The following RPS6KA2 variants were observed in gnomAD, a reference collection of about 807,000 sequenced individuals.
RPS6KA2 encodes the protein ribosomal protein S6 kinase alpha-2.
RPS6KA2 carries 42 observed loss-of-function variants against 91.8 expected under a neutral mutation model. That is an observed-to-expected ratio of 0.46 (90% CI 0.36 to 0.59). RPS6KA2 has a LOEUF of 0.59. Ranked by LOEUF, RPS6KA2 falls within the 20% of genes least tolerant of loss-of-function variation. The probability of loss-of-function intolerance (pLI) is 0.00; values close to 1 mark genes in which losing one functional copy is unlikely to be tolerated. For missense variants in RPS6KA2, 798 were observed against 978.5 expected, an observed-to-expected ratio of 0.82 and a Z score of 2.46; for synonymous variants, 414 against 393.6, an observed-to-expected ratio of 1.05 and a Z score of -0.61.
intron 2 of RPS6KA2, among the ~76,000 whole-genome samples, chr6:166,835,019 T>C (rs1205455849): frequency 6.6e-6 from 1 of 152,178 alleles, no homozygotes; most frequent in Admixed American, 6.5e-5. Context: ...GCTTATCTTT[T>C]TGTTTATAAA....
chr6:166,536,793 C>T (rs1329676517), intron 2 of RPS6KA2, among the ~76,000 whole-genome samples: 1 of 152,094 alleles, frequency 6.6e-6, no homozygotes, highest in African/African-American at 2.4e-5. Context: ...TACTACTGTT[C>T]TTGAAACTTT....
At chr6:166,620,596 G>A (rs974075692) in intron 1 of RPS6KA2, among the ~76,000 whole-genome samples, 6 of 152,334 alleles carry the variant, frequency 3.9e-5, no homozygotes, top group Admixed American at 1.3e-4. Context: ...AAACAGATGT[G>A]TATTCAAAGG....
At chr6:166,540,449 G>GT (rs3837032) in intron 1 of RPS6KA2, among the ~76,000 whole-genome samples, 11 of 151,888 alleles carry the variant, frequency 7.2e-5, no homozygotes, top group Non-Finnish European at 1.3e-4. Context: ...AAAAACAGTG[G>GT]TTTTTTTTTG....
At chr6:166,740,699 C>T (rs2040735756) in intron 2 of RPS6KA2, among the ~76,000 whole-genome samples, 1 of 152,142 alleles carries the variant, frequency 6.6e-6, no homozygotes, top group South Asian at 2.1e-4. Context: ...GACTGATTTC[C>T]AGAATTTATA....
intron 3 of RPS6KA2, among the ~76,000 whole-genome samples, chr6:166,512,271 G>A (rs953516396): frequency 5.3e-5 from 8 of 152,184 alleles, no homozygotes; most frequent in Non-Finnish European, 1.5e-5. Context: ...AGAGTAGCCA[G>A]AATCAGAGAG....
chr6:166,672,744 G>A (rs550776186), intron 2 of RPS6KA2, among the ~76,000 whole-genome samples: 1 of 152,348 alleles, frequency 6.6e-6, no homozygotes, highest in African/African-American at 2.4e-5. Context: ...AGTTGAGGAT[G>A]CCACCATCCC....
chr6:166,551,230 AG>A (rs1784014920), intron 1 of RPS6KA2, among the ~76,000 whole-genome samples: 1 of 152,198 alleles, frequency 6.6e-6, no homozygotes, highest in South Asian at 2.1e-4. Flanking sequence ...TAATCTTTGA[AG>A]GAAGGTTCAA....
chr6:166,720,706 C>G (rs945198345), intron 2 of RPS6KA2, among the ~76,000 whole-genome samples: 1 of 152,184 alleles, frequency 6.6e-6, no homozygotes, highest in Non-Finnish European at 1.5e-5. Flanking sequence ...TATTAAATGT[C>G]TAGTTTGTGC....
At chr6:166,782,752 GC>G (rs1444487361) in intron 2 of RPS6KA2, among the ~76,000 whole-genome samples, 3 of 152,172 alleles carry the variant, frequency 2.0e-5, no homozygotes, top group Non-Finnish European at 4.4e-5. Context: ...TGTCCTCCCA[GC>G]CCCAGCTCAG....
chr6:166,853,450 C>T (rs922407070), intron 2 of RPS6KA2, among the ~76,000 whole-genome samples: 2 of 152,224 alleles, frequency 1.3e-5, no homozygotes, highest in Non-Finnish European at 2.9e-5. Flanking sequence ...GCACAGACTT[C>T]GCCTCTGTGC....
chr6:166,609,506 A>ATT (rs72047171), intron 1 of RPS6KA2, among the ~76,000 whole-genome samples: 18 of 140,370 alleles, frequency 1.3e-4, no homozygotes, highest in East Asian at 2.1e-4. Flanking sequence ...CAAAAGTTTA[A>ATT]TTTTTTTTTT....
chr6:166,852,172 G>C lies in RPS6KA2; in HGVS notation c.123+6028C>G, dbSNP rs572388743. Reference sequence around the variant, plus strand: ...AAGTGATTCTTGTCTGCTGGACAGAGAAACAGTAAGAAATACAAATGCAAA... The same window carrying C: ...AAGTGATTCTTGTCTGCTGGACAGACAAACAGTAAGAAATACAAATGCAAA... On this transcript the variant is annotated intron_variant, in intron 2 of 21. Transcript: ENST00000503859. This position sits in a 1 kb window ranked among gnomAD's most constrained non-coding sequence, Gnocchi z 4.1. Among the ~76,000 whole-genome samples the C allele has an allele frequency of 8.5e-5, 13 of 152,274 alleles. No homozygotes were observed. Among genetic ancestry groups the C allele is most frequent in the African/African-American group, 3.1e-4 (13 of 41,562 alleles).
intron 10 of RPS6KA2, among the ~76,000 whole-genome samples, chr6:166,475,413 C>T (rs1780935097): frequency 3.3e-5 from 5 of 152,226 alleles, no homozygotes; most frequent in Admixed American, 1.3e-4. Context: ...CAGAGTCACA[C>T]GTGCCCCCAG....
rs374056881 is a variant in RPS6KA2, at chr6:166,430,615, C to A, written c.1423-4G>T. ...CAAACTTGCCATCATCATAGACCTGCGGAGTGGAGAAGGGGCGCACACGTC... is the reference window on the plus strand; with the variant it reads ...CAAACTTGCCATCATCATAGACCTGAGGAGTGGAGAAGGGGCGCACACGTC... On this transcript the variant is annotated splice_region_variant and splice_polypyrimidine_tract_variant and intron_variant, in intron 15 of 20. Transcript: ENST00000265678. The A allele has an allele frequency of 2.5e-6, 4 of 1,609,696 alleles. No individual in the cohort carries two copies. In the South Asian group the frequency reaches 4.4e-5, roughly 18 times the overall value.
intron 2 of RPS6KA2, among the ~76,000 whole-genome samples, chr6:166,854,137 C>G (rs1252629894): frequency 6.6e-6 from 1 of 152,190 alleles, no homozygotes; most frequent in Admixed American, 6.5e-5. Context: ...ATTTATGACA[C>G]AAACTCCCCC....
At chr6:166,415,244 G>A (rs1180494068) in intron 19 of RPS6KA2, among the ~76,000 whole-genome samples, 1 of 152,162 alleles carries the variant, frequency 6.6e-6, no homozygotes, top group African/African-American at 2.4e-5. Flanking sequence ...CTTGAAACAA[G>A]TATCTCCTAG....
Position 166,493,356 on chromosome 6 carries a change from T to C in RPS6KA2, c.748-2615A>G, listed in dbSNP as rs1381053236. Reference sequence around the variant, plus strand: ...GGGAGATCATTTCAGTATGATTGTCTGAATGGAGCTGCCCGGGAACTTTCC... The same window carrying C: ...GGGAGATCATTTCAGTATGATTGTCCGAATGGAGCTGCCCGGGAACTTTCC... On this transcript the variant is annotated intron_variant, in intron 8 of 20. Transcript: ENST00000265678. This position sits in a 1 kb window ranked among gnomAD's most constrained non-coding sequence, Gnocchi z 4.7. Among the ~76,000 whole-genome samples the C allele has an allele frequency of 6.6e-6, 1 of 152,114 alleles. No individual in the cohort carries two copies. Among genetic ancestry groups the C allele is most frequent in the East Asian group, 1.9e-4 (1 of 5,186 alleles).
At chr6:166,858,305 T>C (rs764437674) in intron 1 of RPS6KA2, 1 of 1,111,992 alleles carries the variant, frequency 9.0e-7, no homozygotes, top group South Asian at 1.4e-5. Context: ...TTGCCATGTG[T>C]TTGTAGGTGG....
intron 2 of RPS6KA2, among the ~76,000 whole-genome samples, chr6:166,776,021 G>A (rs528707913): frequency 5.9e-5 from 9 of 152,360 alleles, no homozygotes; most frequent in African/African-American, 1.9e-4. Context: ...GGTTGTGAAA[G>A]CCACTGAGGG....
Sources: gnomAD v4.1 joint callset for allele counts (sites outside exome capture counted in the v4.1 genomes callset) on GRCh38, gnomAD v4.1.1 for gene constraint, Gnocchi (gnomAD v3.1) non-coding constraint, MANE v1.5 for transcripts, NCBI Gene and HGNC (gene_info 2026-07-23, HGNC 2026-07-21) for gene names.